SGCD: variants seen among roughly 807,000 people sequenced by gnomAD.
SGCD encodes sarcoglycan delta, also known as delta-sarcoglycan.
Under a neutral mutation model 36.6 loss-of-function variants are expected in SGCD, and 18 were observed. The ratio of observed to expected loss-of-function variants is 0.49; its 90% CI spans 0.34 to 0.73. The LOEUF is 0.73. SGCD is among the 30% of genes least tolerant of loss of function. SGCD has a pLI of 0.01. For missense variants in SGCD, 387 were observed against 346.7 expected (o/e 1.12, Z -0.92); for synonymous variants, 133 against 130.6 (o/e 1.02, Z -0.12).
intron 3 of SGCD, among the ~76,000 whole-genome samples, chr5:156,485,132 G>C (rs1204720428): frequency 6.6e-6 from 1 of 151,962 alleles, no homozygotes; most frequent in Non-Finnish European, 1.5e-5. Flanking sequence ...GCTAACTTGA[G>C]GTCTCCCTCA....
intron 2 of SGCD, among the ~76,000 whole-genome samples, chr5:156,342,393 A>G (rs1302401849): frequency 4.6e-5 from 7 of 152,232 alleles, no homozygotes; most frequent in Middle Eastern, 3.2e-3. Flanking sequence ...CTGCACAAGC[A>G]GGTTAACTTC....
intron 6 of SGCD, among the ~76,000 whole-genome samples, chr5:156,632,168 T>C (rs894779685): frequency 6.6e-6 from 1 of 152,074 alleles, no homozygotes; most frequent in African/African-American, 2.4e-5. Flanking sequence ...CAGGCAGCCA[T>C]AGCAATCTTT....
intron 4 of SGCD, among the ~76,000 whole-genome samples, chr5:156,541,192 C>A (rs1165723068): frequency 6.6e-6 from 1 of 152,138 alleles, no homozygotes; most frequent in East Asian, 1.9e-4. Context: ...AGTAGTAACA[C>A]AATGGAAGAG....
At chr5:156,270,250 A>G (rs1766139524) in intron 3 of SGCD, among the ~76,000 whole-genome samples, 1 of 152,104 alleles carries the variant, frequency 6.6e-6, no homozygotes, top group Non-Finnish European at 1.5e-5. Context: ...TACTAGTACC[A>G]TGCTGTTTTG....
the SGCD span, among the ~76,000 whole-genome samples, chr5:155,805,897 T>C: frequency 6.6e-6 from 1 of 152,276 alleles, no homozygotes; most frequent in South Asian, 2.1e-4. Flanking sequence ...TTCTCCAGCA[T>C]GTTATGCCAG....
chr5:156,326,991 A>T (rs547737150), upstream of SGCD: 3 of 152,318 alleles, frequency 2.0e-5, no homozygotes, highest in Non-Finnish European at 4.4e-5. Flanking sequence ...ATATTGAAGT[A>T]CGGAGTACGG....
At chr5:156,261,100 G>A (rs1365919905) in intron 3 of SGCD, among the ~76,000 whole-genome samples, 4 of 152,102 alleles carry the variant, frequency 2.6e-5, no homozygotes, top group African/African-American at 9.7e-5. Context: ...ATGTTCACAA[G>A]CTGTGGTGTC....
intron 1 of SGCD, among the ~76,000 whole-genome samples, chr5:156,065,387 T>A (rs1760315674): frequency 1.6e-5 from 2 of 125,406 alleles, no homozygotes; most frequent in Admixed American, 1.5e-4. Flanking sequence ...AGGTGTGGTG[T>A]GGTGCTGAGA....
chr5:156,147,288 G>A (rs1193067814), intron 3 of SGCD, among the ~76,000 whole-genome samples: 3 of 152,194 alleles, frequency 2.0e-5, no homozygotes, highest in African/African-American at 4.8e-5. Flanking sequence ...TTCTTGTGGA[G>A]TTAAGTAATC....
chr5:155,931,115 T>A (rs528616611), intron 1 of SGCD, among the ~76,000 whole-genome samples: 14 of 152,298 alleles, frequency 9.2e-5, no homozygotes, highest in African/African-American at 3.4e-4. Context: ...AATGATCATA[T>A]GGTATTTGAA....
the SGCD span, among the ~76,000 whole-genome samples, chr5:155,790,272 A>G: frequency 1.3e-5 from 2 of 152,116 alleles, no homozygotes; most frequent in Admixed American, 1.3e-4. Context: ...AAAGTTACCC[A>G]AGACAGCATG....
intron 1 of SGCD, among the ~76,000 whole-genome samples, chr5:156,100,854 G>C (rs192972679): frequency 1.2e-3 from 184 of 152,228 alleles, no homozygotes; most frequent in African/African-American, 4.2e-3. Flanking sequence ...TCTACCTACC[G>C]TACCTTGATT....
chr5:155,732,179 A>T, the SGCD span, among the ~76,000 whole-genome samples: 1 of 152,182 alleles, frequency 6.6e-6, no homozygotes, highest in Non-Finnish European at 1.5e-5. Context: ...TTCTTCATGT[A>T]CTATCTGCCC....
At chr5:156,498,044 A>G (rs1756273362) in intron 3 of SGCD, among the ~76,000 whole-genome samples, 1 of 152,146 alleles carries the variant, frequency 6.6e-6, no homozygotes, top group South Asian at 2.1e-4. Flanking sequence ...TTGGACTTTA[A>G]TGGAAACAGA....
intron 3 of SGCD, among the ~76,000 whole-genome samples, chr5:156,204,999 T>A (rs1764240090): frequency 6.6e-6 from 1 of 152,112 alleles, no homozygotes; most frequent in East Asian, 1.9e-4. Flanking sequence ...AGCAATGAGA[T>A]GGACATATAT....
intron 3 of SGCD, among the ~76,000 whole-genome samples, chr5:156,456,225 G>A (rs1481727376): frequency 6.6e-6 from 1 of 152,140 alleles, no homozygotes; most frequent in African/African-American, 2.4e-5. Flanking sequence ...GCACTTGATA[G>A]GAAAAGCCTC....
In SGCD at chr5:156,300,170, C is replaced by T. The variant is rs371596938; in HGVS notation, c.-43-29364C>T. ...TGTTGAATTCTATCAAATCTTTATTCAGCATCAACTAAAATGATTTAAAAT... is the reference window on the plus strand; with the variant it reads ...TGTTGAATTCTATCAAATCTTTATTTAGCATCAACTAAAATGATTTAAAAT... On this transcript the variant is annotated intron_variant, in intron 3 of 9. Coordinates refer to the SGCD transcript ENST00000517913. Among the ~76,000 whole-genome samples the T allele has an allele frequency of 9.7e-4, 148 of 152,110 alleles. 2 individuals carry two copies. Among genetic ancestry groups the T allele is most frequent in the African/African-American group, 3.4e-3 (141 of 41,546 alleles).
chr5:156,214,985 G>T (rs1490865272), intron 3 of SGCD, among the ~76,000 whole-genome samples: 1 of 151,902 alleles, frequency 6.6e-6, no homozygotes, highest in Admixed American at 6.6e-5. Flanking sequence ...ACCTAAAACT[G>T]TAAAACTACT....
chr5:156,281,911 G>A (rs1029103617), intron 3 of SGCD, among the ~76,000 whole-genome samples: 1 of 152,042 alleles, frequency 6.6e-6, no homozygotes, highest in African/African-American at 2.4e-5. Flanking sequence ...TTTTCACAAA[G>A]CTAGTGATTT....
Sources: allele counts gnomAD v4.1 joint callset (sites outside exome capture counted in the v4.1 genomes callset), GRCh38; gene constraint gnomAD v4.1.1; transcripts MANE v1.5; gene names NCBI Gene and HGNC (gene_info 2026-07-23, HGNC 2026-07-21).